ULK4: variants seen among roughly 807,000 people sequenced by gnomAD.
The protein encoded by ULK4 is unc-51 like kinase 4, also known as inactive serine/threonine-protein kinase ULK4.
Under a neutral mutation model 160.6 loss-of-function variants are expected in ULK4, and 133 were observed. The observed-to-expected ratio is 0.83, with a 90% CI of 0.72 to 0.96. ULK4 has a LOEUF of 0.96. Ranked by LOEUF, ULK4 falls within the 40% of genes least tolerant of loss-of-function variation. The pLI, the probability that ULK4 is intolerant of heterozygous loss-of-function variation, is 0.00. For synonymous variants in ULK4, 534 were observed against 539.8 expected (o/e 0.99, Z 0.15); for missense variants, 1,580 against 1,499.5 (o/e 1.05, Z -0.89).
At chr3:41,338,278 G>A (rs2080608628) in intron 35 of ULK4, among the ~76,000 whole-genome samples, 1 of 152,176 alleles carries the variant, frequency 6.6e-6, no homozygotes, top group African/African-American at 2.4e-5. Flanking sequence ...TGCAGATGGG[G>A]CAGAACGGCC....
At chr3:41,903,421 C>T (rs891196002) in intron 12 of ULK4, among the ~76,000 whole-genome samples, 2 of 151,886 alleles carry the variant, frequency 1.3e-5, no homozygotes, top group African/African-American at 4.8e-5. Flanking sequence ...CCCATCTGTC[C>T]TAAAAATACA....
chr3:41,731,309 T>C (rs192906978), intron 22 of ULK4, among the ~76,000 whole-genome samples: 28 of 152,138 alleles, frequency 1.8e-4, no homozygotes. Flanking sequence ...CTTACAAATA[T>C]TAAGTGAATT....
intron 22 of ULK4, among the ~76,000 whole-genome samples, chr3:41,731,313 G>A (rs531895794): frequency 1.8e-4 from 27 of 151,856 alleles, no homozygotes; most frequent in Admixed American, 3.3e-4. Context: ...CAAATATTAA[G>A]TGAATTCAGT....
At chr3:41,785,621 G>T (rs1266877185) in intron 21 of ULK4, among the ~76,000 whole-genome samples, 3 of 152,162 alleles carry the variant, frequency 2.0e-5, no homozygotes, top group Non-Finnish European at 2.9e-5. Context: ...CTGTTCAACA[G>T]GAAGCAATTT....
At chr3:41,398,328 C>A (rs549530787) in intron 34 of ULK4, 64 bp from the exon 35 acceptor site, 160 of 1,550,648 alleles carry the variant, frequency 1.0e-4, no homozygotes, top group Non-Finnish European at 1.3e-4. Context: ...TCAAAAAAAA[C>A]ACAGTAAAAT....
intron 33 of ULK4, among the ~76,000 whole-genome samples, chr3:41,462,300 G>A (rs71331167): frequency 0.086 from 13,128 of 152,188 alleles, 724 homozygotes; most frequent in Non-Finnish European, 0.12. Context: ...TAGCTTCTGC[G>A]TCTATCCAAG....
chr3:41,725,320 T>C (rs956960364), intron 22 of ULK4, among the ~76,000 whole-genome samples: 2 of 152,224 alleles, frequency 1.3e-5, no homozygotes, highest in Non-Finnish European at 2.9e-5. Context: ...TTTTTATTTC[T>C]TTCCTATATT....
chr3:41,306,511 CGGGA>C, intron 35 of ULK4, among the ~76,000 whole-genome samples: 1 of 148,450 alleles, frequency 6.7e-6, no homozygotes, highest in Non-Finnish European at 1.5e-5. Flanking sequence ...CCGCCCCATC[CGGGA>C]GGGAGGTGGG....
At chr3:41,867,200 T>A (rs1257384103) in intron 17 of ULK4, among the ~76,000 whole-genome samples, 2 of 152,206 alleles carry the variant, frequency 1.3e-5, no homozygotes, top group African/African-American at 4.8e-5. Flanking sequence ...CTCTCCTTTT[T>A]CTAGCTTCTT....
chr3:41,688,597 T>G (rs1253825840), intron 27 of ULK4, among the ~76,000 whole-genome samples: 2 of 151,672 alleles, frequency 1.3e-5, no homozygotes, highest in Non-Finnish European at 2.9e-5. Context: ...TGTCAATTTC[T>G]TTAGAACAAA....
intron 32 of ULK4, among the ~76,000 whole-genome samples, chr3:41,544,840 C>T (rs1489507283): frequency 1.3e-5 from 2 of 151,992 alleles, no homozygotes; most frequent in Non-Finnish European, 2.9e-5. Flanking sequence ...TACAACTGGC[C>T]CATTTCAGAT....
intron 32 of ULK4, among the ~76,000 whole-genome samples, chr3:41,550,999 T>C (rs1420125506): frequency 6.6e-6 from 1 of 151,644 alleles, no homozygotes; most frequent in Non-Finnish European, 1.5e-5. Flanking sequence ...ACTATACAAA[T>C]ACATGGAAAC....
chr3:41,652,109 T>C (rs1217986006), intron 30 of ULK4, among the ~76,000 whole-genome samples: 2 of 152,118 alleles, frequency 1.3e-5, no homozygotes, highest in African/African-American at 4.8e-5. Context: ...CTGAGCCTCA[T>C]AAGATATGGA....
intron 32 of ULK4, among the ~76,000 whole-genome samples, chr3:41,509,603 A>C (rs1046653797): frequency 1.3e-5 from 2 of 152,172 alleles, no homozygotes; most frequent in Non-Finnish European, 2.9e-5. Flanking sequence ...TGAAAGAAAA[A>C]CTATTACAGT....
At position 41,267,476 on chromosome 3, in the gene ULK4, G is replaced by A. The variant is rs7645940; in HGVS notation, c.3679-17902C>T. On this transcript the variant is annotated intron_variant, in intron 35 of 36. Coordinates refer to ENST00000301831, the MANE Select transcript of ULK4 (RefSeq NM_017886.4). ...GTAACTAGTACTGCAATAAACATAC[G>A]TGTGCATGTGTCTCTATAGTAGAAT... Among the ~76,000 whole-genome samples, 76 of 152,234 alleles carry A rather than the reference G, an allele frequency of 5.0e-4. 1 individual carries two copies. The highest frequency in any genetic ancestry group is 1.6e-3 in the African/African-American group (66 of 41,530).
intron 35 of ULK4, among the ~76,000 whole-genome samples, chr3:41,326,248 C>A (rs951880166): frequency 6.6e-6 from 1 of 152,066 alleles, no homozygotes; most frequent in Non-Finnish European, 1.5e-5. Context: ...TAAATCAATA[C>A]AGACAACTCT....
chr3:41,873,403 C>T (rs1697184433), intron 17 of ULK4, among the ~76,000 whole-genome samples: 1 of 152,146 alleles, frequency 6.6e-6, no homozygotes, highest in African/African-American at 2.4e-5. Flanking sequence ...TTGTCCCAGA[C>T]AGTCTTAAAG....
intron 32 of ULK4, among the ~76,000 whole-genome samples, chr3:41,509,460 A>G (rs1387550347): frequency 6.6e-6 from 1 of 152,152 alleles, no homozygotes; most frequent in African/African-American, 2.4e-5. Context: ...ATCCAAATAT[A>G]AGAAGCTCAA....
chr3:41,447,083 CAAAAAA>C (rs756911141), intron 34 of ULK4, among the ~76,000 whole-genome samples: 4 of 53,670 alleles, frequency 7.5e-5, no homozygotes, highest in East Asian at 1.4e-3. Context: ...GACTCTGTCT[CAAAAAA>C]AAAAAAAAAA....
Sources: gnomAD v4.1 joint callset for allele counts (sites outside exome capture counted in the v4.1 genomes callset) on GRCh38, gnomAD v4.1.1 for gene constraint, MANE v1.5 for transcripts, NCBI Gene and HGNC (gene_info 2026-07-23, HGNC 2026-07-21) for gene names.